Variants in SEC14L1 observed in about 807,000 individuals in gnomAD.
SEC14L1 encodes the protein SEC14 like lipid binding 1.
In SEC14L1, 48 loss-of-function variants were observed where a neutral mutation model predicts 85.3. That is an observed-to-expected ratio of 0.56 (90% CI 0.45 to 0.72). The LOEUF is 0.72. SEC14L1 is among the 30% of genes least tolerant of loss of function. The pLI is 0.00. For synonymous variants in SEC14L1, 391 were observed against 355.5 expected (o/e 1.10, Z -1.12); for missense variants, 682 against 921.4 (o/e 0.74, Z 3.36).
At position 77,215,173 on chromosome 17, in the gene SEC14L1, A is replaced by C; in HGVS notation, c.*1150A>C. 3.0e-6 allele frequency: 3 copies of C among 985,406 alleles called. No homozygotes were observed. Among genetic ancestry groups the C allele is most frequent in the Non-Finnish European group, 3.6e-6 (3 of 829,980 alleles). The allele number at this position is 985,406 out of a possible 1,614,324, so 61.0% of individuals were successfully genotyped here. A position where few individuals can be genotyped will look rare whatever the true frequency, so the allele number is the denominator to read the frequency against. On this transcript the variant is annotated 3_prime_UTR_variant, in exon 17 of 17. Coordinates refer to ENST00000436233, the MANE Select transcript of SEC14L1 (RefSeq NM_001143998.2). ...TGAGTAATGAAGGAATCTTCACAGA[A>C]GCAAATCAGAATATGGGATTTGTTT... is the stretch of plus-strand genomic sequence containing the variant.
rs776322009 is a variant in SEC14L1, at chr17:77,092,944, TC to T, written c.-239-298del. 2.4e-3 allele frequency among the ~76,000 whole-genome samples: 204 copies of T among 85,046 alleles called. 1 individual carries two copies. The highest frequency in any genetic ancestry group is 2.6e-3 in the Non-Finnish European group (115 of 44,538). The allele number at this position is 85,046 out of a possible 152,430, so 55.8% of individuals were successfully genotyped here. A position where few individuals can be genotyped will look rare whatever the true frequency, so the allele number is the denominator to read the frequency against. ...CAGCCTGGGCTAAAAAGAGTGAAAC[TC>T]CGTCTCAAAAAAAAAAAAAAAAAAA... On this transcript the variant is annotated intron_variant, in intron 2 of 19. Transcript: ENST00000392476.
chr17:77,143,784 G>A (rs1973158526), intron 3 of SEC14L1, 125 bp downstream of exon 3: 1 of 684,002 alleles, frequency 1.5e-6, no homozygotes, highest in African/African-American at 1.8e-5. Flanking sequence ...CTGTTTTTAT[G>A]CTTATGAACC....
At chr17:77,161,989 A>G (rs1419797093) in intron 3 of SEC14L1, among the ~76,000 whole-genome samples, 1 of 148,034 alleles carries the variant, frequency 6.8e-6, no homozygotes, top group Non-Finnish European at 1.5e-5. Flanking sequence ...AATAGATCGC[A>G]GTGAGGGAGG....
At chr17:77,189,647 G>C (rs1464865105) in intron 3 of SEC14L1, among the ~76,000 whole-genome samples, 1 of 151,894 alleles carries the variant, frequency 6.6e-6, no homozygotes, top group Non-Finnish European at 1.5e-5. Context: ...GTTTTGTTTT[G>C]AGATGGAATC....
chr17:77,163,071 C>T (rs571509187), intron 3 of SEC14L1, among the ~76,000 whole-genome samples: 5 of 152,164 alleles, frequency 3.3e-5, no homozygotes, highest in African/African-American at 4.8e-5. Flanking sequence ...CTTCTGCCTC[C>T]TGGACTCTTG....
chr17:77,136,987 G>C (rs958809678), upstream of SEC14L1, among the ~76,000 whole-genome samples: 1 of 150,086 alleles, frequency 6.7e-6, no homozygotes, highest in Non-Finnish European at 1.5e-5. Flanking sequence ...TCGGCTCACC[G>C]CAACCTCTGC....
At chr17:77,171,792 T>C (rs1180969587) in intron 3 of SEC14L1, among the ~76,000 whole-genome samples, 1 of 152,256 alleles carries the variant, frequency 6.6e-6, no homozygotes, top group Admixed American at 6.5e-5. Context: ...TGAGGATATC[T>C]CCGTTTACTA....
intron 3 of SEC14L1, 32 bp from the exon 4 acceptor site, chr17:77,190,771 C>G: frequency 6.2e-7 from 1 of 1,612,026 alleles, no homozygotes; most frequent in African/African-American, 1.3e-5. Flanking sequence ...TGTCTTTGCT[C>G]ACTTCTGCTT....
intron 3 of SEC14L1, among the ~76,000 whole-genome samples, chr17:77,096,959 T>C (rs1463659368): frequency 6.6e-6 from 1 of 152,210 alleles, no homozygotes; most frequent in East Asian, 1.9e-4. Context: ...TCCAGGTGTC[T>C]TGGTTCGTGA....
chr17:77,213,287 C>T lies in SEC14L1; in HGVS notation c.1864-27C>T, dbSNP rs757868805. The T allele has an allele frequency of 9.5e-6, 15 of 1,578,284 alleles. No individual in the cohort carries two copies. The highest frequency in any genetic ancestry group is 1.3e-5 in the Non-Finnish European group (15 of 1,161,716). On this transcript the variant is annotated intron_variant, in intron 15 of 16. Coordinates refer to ENST00000436233, the MANE Select transcript of SEC14L1 (RefSeq NM_001143998.2). This position sits in a 1 kb window ranked among gnomAD's most constrained non-coding sequence, Gnocchi z 7.1. The stretch of plus-strand genomic sequence containing the variant: ...CCAGGGGTCGGAAGCGAGTCGCCCT[C>T]AGCTGCCACTGCCCTACTTGTTCTA...
Position 77,154,065 on chromosome 17 carries a change from A to G in SEC14L1, c.63+10406A>G, listed in dbSNP as rs575902705. 3.1e-3 allele frequency among the ~76,000 whole-genome samples: 470 copies of G among 152,326 alleles called. 2 individuals carry two copies. The highest frequency in any genetic ancestry group is 0.011 in the African/African-American group (440 of 41,562). On this transcript the variant is annotated intron_variant, in intron 3 of 16. Coordinates refer to ENST00000436233, the MANE Select transcript of SEC14L1 (RefSeq NM_001143998.2). ...CGTGGATCAGAAATGTTCAGGAAAA[A>G]CAACAAAAATAATACAACAATAAAC...
intron 3 of SEC14L1, among the ~76,000 whole-genome samples, chr17:77,180,102 C>T (rs552149886): frequency 7.3e-6 from 1 of 137,746 alleles, no homozygotes; most frequent in South Asian, 2.3e-4. Context: ...TGTTATGTTA[C>T]TTTATGATGT....
intron 3 of SEC14L1, among the ~76,000 whole-genome samples, chr17:77,171,986 T>C (rs1974541459): frequency 6.6e-6 from 1 of 152,194 alleles, no homozygotes; most frequent in African/African-American, 2.4e-5. Context: ...CTAAATAGGT[T>C]TGTTCCTGCC....
intron 3 of SEC14L1, among the ~76,000 whole-genome samples, chr17:77,188,286 C>G (rs1975362433): frequency 6.6e-6 from 1 of 152,206 alleles, no homozygotes; most frequent in Non-Finnish European, 1.5e-5. Flanking sequence ...TACAGCCACA[C>G]CTGCTTCGCT....
intron 3 of SEC14L1, among the ~76,000 whole-genome samples, chr17:77,181,359 G>T (rs192408671): frequency 5.1e-4 from 77 of 152,226 alleles, no homozygotes; most frequent in African/African-American, 1.7e-3. Context: ...CAGTCCAGTT[G>T]GTATTAATCA....
intron 3 of SEC14L1, among the ~76,000 whole-genome samples, chr17:77,112,127 C>T (rs1398352736): frequency 2.0e-5 from 3 of 152,124 alleles, no homozygotes; most frequent in Admixed American, 6.6e-5. Flanking sequence ...GCCCTTTCCC[C>T]GCTTTGCTCA....
intron 3 of SEC14L1, among the ~76,000 whole-genome samples, chr17:77,112,260 T>C (rs1972064370): frequency 6.6e-6 from 1 of 152,196 alleles, no homozygotes; most frequent in Non-Finnish European, 1.5e-5. Context: ...TAAACCTCTT[T>C]ACTTATAAAT....
intron 3 of SEC14L1, among the ~76,000 whole-genome samples, chr17:77,132,471 C>T (rs1189512014): frequency 1.3e-5 from 2 of 152,224 alleles, no homozygotes; most frequent in African/African-American, 4.8e-5. Flanking sequence ...GTGATCCACC[C>T]GCCTCTGCCT....
chr17:77,164,039 T>C (rs1350289970), intron 3 of SEC14L1, among the ~76,000 whole-genome samples: 1 of 152,246 alleles, frequency 6.6e-6, no homozygotes, highest in Non-Finnish European at 1.5e-5. Context: ...TAGAGAGTGC[T>C]TGTGTGGCAA....
Sources: gnomAD v4.1 joint callset for allele counts (sites outside exome capture counted in the v4.1 genomes callset) on GRCh38, gnomAD v4.1.1 for gene constraint, Gnocchi (gnomAD v3.1) non-coding constraint, MANE v1.5 for transcripts, NCBI Gene and HGNC (gene_info 2026-07-23, HGNC 2026-07-21) for gene names.